Variants in GAS6 observed in about 807,000 individuals in gnomAD.
GAS6 encodes the protein growth arrest-specific protein 6.
A neutral mutation model predicts 75.8 loss-of-function variants in GAS6; 41 were observed. The ratio of observed to expected loss-of-function variants is 0.54; its 90% CI spans 0.42 to 0.70. The LOEUF (loss-of-function observed/expected upper bound fraction) is 0.70, where lower values mean the gene tolerates loss of function less well. Ranked by LOEUF, GAS6 falls within the 30% of genes least tolerant of loss-of-function variation. GAS6 has a pLI of 0.00. For missense variants in GAS6, 854 were observed against 940.2 expected (o/e 0.91, Z 1.20); for synonymous variants, 432 against 412.6 (o/e 1.05, Z -0.57).
chr13:113,851,373 G>A (rs755226245), intron 2 of GAS6, among the ~76,000 whole-genome samples: 2 of 151,658 alleles, frequency 1.3e-5, no homozygotes, highest in Non-Finnish European at 2.9e-5. Flanking sequence ...ATGAAAGAAT[G>A]AGTGAGTGGG....
At chr13:113,822,239 G>A (rs1190798143) in intron 13 of GAS6, 53 bp from the exon 14 acceptor site, 5 of 1,394,864 alleles carry the variant, frequency 3.6e-6, no homozygotes, top group Non-Finnish European at 9.7e-7. Context: ...TACGTGAGCT[G>A]TTAGGTCCAA....
chr13:113,823,525 A>C lies in GAS6; in HGVS notation c.1503T>G (p.Thr501=). Residue 501 remains threonine, a synonymous_variant, in exon 13 of 15, where the codon ACT becomes ACG. Transcript: ENST00000327773. ...DYMRTPLDVG[T]ESTWEVEVVA... is the part of the protein sequence containing the mutation. ...CGACTTCTACTTCCCAGGTTGATTC[A>C]GTCCCGACGTCCAGAGGGGTCCGCA... 1 of 1,612,512 alleles carries C rather than the reference A, an allele frequency of 6.2e-7. No homozygotes were observed. The highest frequency in any genetic ancestry group is 8.5e-7 in the Non-Finnish European group (1 of 1,179,794).
intron 2 of GAS6, among the ~76,000 whole-genome samples, chr13:113,855,593 C>A (rs7320970): frequency 6.6e-6 from 1 of 152,074 alleles, no homozygotes; most frequent in Non-Finnish European, 1.5e-5. Context: ...AGATCCAACG[C>A]GCAGGGGCCT....
intron 4 of GAS6, chr13:113,842,895 G>T: frequency 2.5e-6 from 1 of 397,024 alleles, no homozygotes; most frequent in South Asian, 1.3e-4. Context: ...TGAGGCTGAG[G>T]GACAGTGCCT....
intron 7 of GAS6, 54 bp from the exon 8 acceptor site, chr13:113,834,726 C>T (rs1224389039): frequency 2.9e-6 from 4 of 1,389,596 alleles, no homozygotes; most frequent in Non-Finnish European, 3.8e-6. Flanking sequence ...CGCTGTCCCG[C>T]CGTGGGATCA....
Position 113,863,231 on chromosome 13 carries a change from C to G in GAS6, c.255+344G>C, listed in dbSNP as rs1020760886. Among the ~76,000 whole-genome samples, 1 of 152,196 alleles carries G rather than the reference C, an allele frequency of 6.6e-6. No homozygotes were observed. The highest frequency in any genetic ancestry group is 1.5e-5 in the Non-Finnish European group (1 of 68,012). On this transcript the variant is annotated intron_variant, in intron 2 of 14. Coordinates refer to ENST00000327773, the MANE Select transcript of GAS6 (RefSeq NM_000820.4). This position sits in a 1 kb window ranked among gnomAD's most constrained non-coding sequence, Gnocchi z 9.4. ...AGGACGAGGCGCGGCCCGGGGGTTC[C>G]TCACCTCCAGCCCAGCAGAGGGAGG...
At chr13:113,841,993 A>T (rs2051788094) in intron 4 of GAS6, 1 of 102,860 alleles carries the variant, frequency 9.7e-6, no homozygotes, top group African/African-American at 3.7e-5. Flanking sequence ...TACGCCCCAC[A>T]GTTTCCTCCA....
Position 113,832,734 on chromosome 13 carries a change from G to C in GAS6, c.853C>G (p.Pro285Ala). 1 of 1,612,698 alleles carries C rather than the reference G, an allele frequency of 6.2e-7. No homozygotes were observed. The highest frequency in any genetic ancestry group is 8.5e-7 in the Non-Finnish European group (1 of 1,179,936). Residue 285 changes from proline to alanine, a missense_variant, in exon 9 of 15, where the codon CCC becomes GCC. Transcript: ENST00000327773. ...TTCACACTCTTGGCCACGCTGAAGG[G>C]CACGCACGGCAAGATGTCCTGCCAC... Reference protein sequence around the residue: ...DTCEDILPCVPFSVAKSVKSL... With the variant: ...DTCEDILPCVAFSVAKSVKSL...
chr13:113,829,934 C>G (rs1346073701), intron 10 of GAS6, among the ~76,000 whole-genome samples: 1 of 151,920 alleles, frequency 6.6e-6, no homozygotes, highest in East Asian at 1.9e-4. Context: ...GGGAGACCAC[C>G]TGATCCTCAC....
intron 13 of GAS6, 101 bp from the exon 14 acceptor site, chr13:113,822,287 C>A (rs2051471409): frequency 1.1e-6 from 1 of 892,712 alleles, no homozygotes; most frequent in African/African-American, 1.7e-5. Context: ...CTACGCCGCA[C>A]GCCTGTCTCC....
intron 2 of GAS6, among the ~76,000 whole-genome samples, chr13:113,857,431 A>C (rs2051923542): frequency 6.6e-6 from 1 of 152,244 alleles, no homozygotes; most frequent in Non-Finnish European, 1.5e-5. Flanking sequence ...CCAGGTTTGC[A>C]GTGAAATCAC....
At chr13:113,828,462 G>A (rs1271444539) in intron 11 of GAS6, 85 bp downstream of exon 11, 1 of 1,412,726 alleles carries the variant, frequency 7.1e-7, no homozygotes, top group Non-Finnish European at 9.7e-7. Context: ...GTAAACACAG[G>A]GCAGGGTGTG....
rs765141476 is a variant in GAS6 at position 113,838,072 on chromosome 13, G to C, written c.586C>G (p.Gln196Glu). The change falls in exon 6 of 15, where the codon CAA becomes GAA. Residue 196 changes from glutamine (Q) to glutamate (E), a missense_variant. Transcript: ENST00000327773. Reference sequence around the variant, plus strand: ...AGGCCTCACCCCAGGGCCTTACCTTGGCAGGTCCTGCCATCAGAGGAGAGC... The same window carrying C: ...AGGCCTCACCCCAGGGCCTTACCTTCGCAGGTCCTGCCATCAGAGGAGAGC... Reference protein sequence around the residue: ...FELSSDGRTCQDIDECADSEA... With the variant: ...FELSSDGRTCEDIDECADSEA... 3.7e-6 allele frequency: 6 copies of C among 1,612,384 alleles called. No individual in the cohort carries two copies. The African/African-American group carries it at 6.7e-5, about 18-fold the overall frequency.
Position 113,863,965 on chromosome 13 carries a change from G to A in GAS6, c.-45C>T. 9.6e-7 allele frequency: 1 copy of A among 1,043,396 alleles called. No homozygotes were observed. The highest frequency in any genetic ancestry group is 4.4e-5 in the South Asian group (1 of 22,698). 64.6% of individuals were successfully genotyped at this position (1,043,396 alleles called of 1,614,324 possible). A position where few individuals can be genotyped will look rare whatever the true frequency, so the allele number is the denominator to read the frequency against. Reference sequence around the variant, plus strand: ...GTCAGAGCGCCCGGGAGGCCGAGGCGAGCCGCGGGCGCCGCGGGGCGGAGG... The same window carrying A: ...GTCAGAGCGCCCGGGAGGCCGAGGCAAGCCGCGGGCGCCGCGGGGCGGAGG... On this transcript the variant is annotated 5_prime_UTR_variant, in exon 1 of 15. Transcript: ENST00000327773. This position sits in a 1 kb window ranked among gnomAD's most constrained non-coding sequence, Gnocchi z 9.4.
In GAS6 at chr13:113,833,643, T is replaced by G. The variant is rs1017795440; in HGVS notation, c.835-891A>C. The G allele has an allele frequency of 2.0e-5, 20 of 1,006,312 alleles. No individual in the cohort carries two copies. The African/African-American group carries it at 2.5e-4, about 13-fold the overall frequency. 62.3% of individuals were successfully genotyped at this position (1,006,312 alleles called of 1,614,324 possible). On this transcript the variant is annotated intron_variant, in intron 8 of 14. Transcript: ENST00000327773. Reference sequence around the variant, plus strand: ...CAGGTCGGTGTGACAGGCACCAGTGTGACAGGCACCAGTGTGACAGGTCGG... The same window carrying G: ...CAGGTCGGTGTGACAGGCACCAGTGGGACAGGCACCAGTGTGACAGGTCGG...
Position 113,820,971 on chromosome 13 carries a change from T to C in GAS6, c.1930A>G (p.Met644Val), listed in dbSNP as rs747147158. The C allele has an allele frequency of 6.2e-7, 1 of 1,612,740 alleles. No individual in the cohort carries two copies. Among genetic ancestry groups the C allele is most frequent in the Non-Finnish European group, 8.5e-7 (1 of 1,179,896 alleles). The change falls in exon 15 of 15, where the codon ATG becomes GTG. Residue 644 changes from methionine (M) to valine (V), a missense_variant. Physicochemically the swap from Met to Val is conservative, Grantham distance 21 (BLOSUM62 1). Coordinates refer to ENST00000327773, the MANE Select transcript of GAS6 (RefSeq NM_000820.4). ...AGCCTCCGGTTGACCTCCAGTGTCA[T>C]GCAGCCGCGGTAGAACGCGGTGACT... is the stretch of plus-strand genomic sequence containing the variant. ...APVTAFYRGC[M>V]TLEVNRRLLD...
rs1177441786 is a variant in GAS6 at position 113,863,265 on chromosome 13, G to A, written c.255+310C>T. On this transcript the variant is annotated intron_variant, in intron 2 of 14. Transcript: ENST00000327773. The surrounding 1 kb of genome is among the most constrained non-coding windows in gnomAD (Gnocchi z 9.4). ...AGCCCAGCAGAGGGAGGGCCGCGGGGAAGCGGTTTGGGTTTTAACCATTGT... is the reference window on the plus strand; with the variant it reads ...AGCCCAGCAGAGGGAGGGCCGCGGGAAAGCGGTTTGGGTTTTAACCATTGT... 6.6e-6 allele frequency among the ~76,000 whole-genome samples: 1 copy of A among 152,214 alleles called. No homozygotes were observed. Among genetic ancestry groups the A allele is most frequent in the African/African-American group, 2.4e-5 (1 of 41,462 alleles).
At chr13:113,825,287 T>C (rs969183168) in intron 12 of GAS6, among the ~76,000 whole-genome samples, 1 of 141,848 alleles carries the variant, frequency 7.0e-6, no homozygotes, top group African/African-American at 2.7e-5. Context: ...GCTAGGCACA[T>C]GTTGGCCATC....
chr13:113,825,743 CACA>C (rs2051528915), intron 12 of GAS6, among the ~76,000 whole-genome samples: 1 of 152,232 alleles, frequency 6.6e-6, no homozygotes, highest in South Asian at 2.1e-4. Context: ...AACGCGTGTG[CACA>C]GTCAGTCCAG....
Sources: gnomAD v4.1 joint callset for allele counts (sites outside exome capture counted in the v4.1 genomes callset) on GRCh38, gnomAD v4.1.1 for gene constraint, Gnocchi (gnomAD v3.1) non-coding constraint, MANE v1.5 for transcripts, NCBI Gene and HGNC (gene_info 2026-07-23, HGNC 2026-07-21) for gene names.